Variants in KL observed in about 807,000 individuals in gnomAD.
KL encodes klotho, also known as alpha-klotho.
In KL, 62 loss-of-function variants were observed where a neutral mutation model predicts 84.2. The observed-to-expected ratio is 0.74, with a 90% CI of 0.60 to 0.91. The LOEUF (loss-of-function observed/expected upper bound fraction) is 0.91, where lower values mean the gene tolerates loss of function less well. Ranked by LOEUF, KL falls within the 40% of genes least tolerant of loss-of-function variation. The probability of loss-of-function intolerance (pLI) is 0.00; values close to 1 mark genes in which losing one functional copy is unlikely to be tolerated. For synonymous variants in KL, 528 were observed against 528.0 expected (o/e 1.00, Z 0.00); for missense variants, 1,261 against 1,305.7 (o/e 0.97, Z 0.53).
intron 1 of KL, among the ~76,000 whole-genome samples, chr13:33,019,445 A>G (rs1870490118): frequency 6.6e-6 from 1 of 151,896 alleles, no homozygotes; most frequent in Non-Finnish European, 1.5e-5. Flanking sequence ...GTGTTCCGGG[A>G]TCTGATGTTG....
At chr13:33,050,517 C>A (rs1290844387) in intron 1 of KL, among the ~76,000 whole-genome samples, 2 of 152,186 alleles carry the variant, frequency 1.3e-5, no homozygotes, top group Non-Finnish European at 2.9e-5. Context: ...AGTGAGGGAA[C>A]TCCACAGGGA....
At chr13:33,058,675 A>G (rs562846619) in intron 3 of KL, among the ~76,000 whole-genome samples, 15 of 152,134 alleles carry the variant, frequency 9.9e-5, no homozygotes, top group African/African-American at 3.1e-4. Flanking sequence ...TTTTTCCTCC[A>G]GAAATGATAC....
chr13:33,042,094 T>C (rs17762786), intron 1 of KL, among the ~76,000 whole-genome samples: 8,904 of 152,248 alleles, frequency 0.058, 343 homozygotes, highest in South Asian at 0.11. Context: ...CAGATTACTG[T>C]AGTAGTTTCA....
intron 1 of KL, among the ~76,000 whole-genome samples, chr13:33,028,548 G>A (rs569713700): frequency 1.1e-4 from 16 of 152,250 alleles, no homozygotes; most frequent in Non-Finnish European, 2.2e-4. Context: ...TGTCAGATGT[G>A]CAGCAGACTA....
chr13:33,063,937 T>C lies in KL; in HGVS notation c.2790T>C (p.Tyr930=), dbSNP rs764754432. 5.6e-6 allele frequency: 9 copies of C among 1,614,220 alleles called. No individual in the cohort carries two copies. The East Asian group carries it at 1.1e-4, about 20-fold the overall frequency. ...CTCCGAGGTTTGGCCTCTATCGTTA[T>C]GCTGCAGATCAGTTTGAGCCCAAGG... ...RTAPRFGLYR[Y]AADQFEPKAS... Residue 930 remains tyrosine, a synonymous_variant, in exon 5 of 5, where the codon TAT becomes TAC. Coordinates refer to ENST00000380099, the MANE Select transcript of KL (RefSeq NM_004795.4).
intron 1 of KL, among the ~76,000 whole-genome samples, chr13:33,021,792 G>A (rs1392320374): frequency 2.0e-5 from 3 of 152,190 alleles, no homozygotes; most frequent in Admixed American, 6.5e-5. Flanking sequence ...GCTGAGGCAG[G>A]AGAATCGTTT....
chr13:33,044,920 CACAG>C lies in KL; in HGVS notation c.820-8843_820-8840del, dbSNP rs549655271. On this transcript the variant is annotated intron_variant, in intron 1 of 4. Transcript: ENST00000380099. ...TTTTTTAAAAATCTTAGGATTTCTACACAGACAATCATGTTTTTAATGAACAACA... is the reference window on the plus strand; with the variant it reads ...TTTTTTAAAAATCTTAGGATTTCTACACAATCATGTTTTTAATGAACAACA... Among the ~76,000 whole-genome samples, 72 of 152,244 alleles carry C rather than the reference CACAG, an allele frequency of 4.7e-4. 1 individual carries two copies. Among genetic ancestry groups the C allele is most frequent in the South Asian group, 8.3e-4 (4 of 4,830 alleles).
chr13:33,034,540 C>CA (rs139240544), intron 1 of KL, among the ~76,000 whole-genome samples: 9,010 of 146,430 alleles, frequency 0.062, 292 homozygotes, highest in Non-Finnish European at 0.08. Flanking sequence ...TGAGTGCCAC[C>CA]AAAAAAAAAA....
chr13:33,017,408 G>A, intron 1 of KL, 149 bp downstream of exon 1: 1 of 770,526 alleles, frequency 1.3e-6, no homozygotes, highest in Non-Finnish European at 2.0e-6. Context: ...GAGCAGTTCT[G>A]ACTTCCCTTG....
chr13:33,020,431 C>T (rs1200796314), intron 1 of KL, among the ~76,000 whole-genome samples: 2 of 152,134 alleles, frequency 1.3e-5, no homozygotes, highest in Admixed American at 1.3e-4. Flanking sequence ...GCTTTGAATA[C>T]TGCTGCATCC....
chr13:33,048,248 T>C (rs539061296), intron 1 of KL, among the ~76,000 whole-genome samples: 21 of 152,316 alleles, frequency 1.4e-4, no homozygotes, highest in African/African-American at 5.1e-4. Context: ...ATTGTCTCTT[T>C]TTAAAGGGTG....
chr13:33,053,940 A>G lies in KL; in HGVS notation c.993A>G (p.Val331=), dbSNP rs140577418. The stretch of plus-strand genomic sequence containing the variant: ...TACTAGGTTGGTTTGCCAAACCCGT[A>G]TTTATTGATGGTGACTATCCCGAGA... ...DFVLGWFAKP[V]FIDGDYPESM... is the part of the protein sequence containing the mutation. The change falls in exon 2 of 5, where the codon GTA becomes GTG. Residue 331 remains valine, a synonymous_variant. Coordinates refer to ENST00000380099, the MANE Select transcript of KL (RefSeq NM_004795.4). 107 of 1,614,184 alleles carry G rather than the reference A, an allele frequency of 6.6e-5. No homozygotes were observed. In the Middle Eastern group the frequency reaches 8.2e-4, roughly 12 times the overall value.
intron 3 of KL, among the ~76,000 whole-genome samples, chr13:33,059,613 C>G (rs894640763): frequency 1.5e-4 from 23 of 152,170 alleles, no homozygotes; most frequent in African/African-American, 5.5e-4. Context: ...GCTGGGATTA[C>G]AGGTGTGCAC....
chr13:33,029,702 C>T (rs1421623897), intron 1 of KL, among the ~76,000 whole-genome samples: 2 of 152,206 alleles, frequency 1.3e-5, no homozygotes, highest in Admixed American at 6.5e-5. Context: ...GGCACAATCT[C>T]GGCTCACTCC....
intron 1 of KL, among the ~76,000 whole-genome samples, chr13:33,019,392 C>T (rs560437574): frequency 9.2e-4 from 140 of 152,022 alleles, no homozygotes; most frequent in Non-Finnish European, 1.8e-3. Flanking sequence ...GGCATTTTAG[C>T]TGGGGCTTAG....
chr13:33,026,408 G>A (rs1363256499), intron 1 of KL, among the ~76,000 whole-genome samples: 1 of 151,606 alleles, frequency 6.6e-6, no homozygotes, highest in African/African-American at 2.4e-5. Context: ...CCTATAGCTG[G>A]AGGACATGCA....
intron 1 of KL, among the ~76,000 whole-genome samples, chr13:33,024,509 T>C (rs1397327515): frequency 6.6e-6 from 1 of 152,176 alleles, no homozygotes; most frequent in Admixed American, 6.5e-5. Flanking sequence ...GTTCTCCCTG[T>C]GCCGGACCCT....
intron 1 of KL, among the ~76,000 whole-genome samples, chr13:33,020,777 A>G (rs1413956792): frequency 3.9e-5 from 6 of 152,156 alleles, no homozygotes; most frequent in African/African-American, 1.4e-4. Context: ...TGCCTGGGTA[A>G]TGGGAACAGC....
At chr13:33,020,825 C>T (rs1298081724) in intron 1 of KL, among the ~76,000 whole-genome samples, 1 of 152,170 alleles carries the variant, frequency 6.6e-6, no homozygotes, top group African/African-American at 2.4e-5. Context: ...TTGCCCCCTG[C>T]AGTGTGCCAT....
Sources: gnomAD v4.1 joint callset for allele counts (sites outside exome capture counted in the v4.1 genomes callset) on GRCh38, gnomAD v4.1.1 for gene constraint, MANE v1.5 for transcripts, NCBI Gene and HGNC (gene_info 2026-07-23, HGNC 2026-07-21) for gene names.